Variants in NAV2 observed in about 807,000 individuals in gnomAD.
NAV2 encodes neuron navigator 2.
Under a neutral mutation model 223.2 loss-of-function variants are expected in NAV2, and 54 were observed. The ratio of observed to expected loss-of-function variants is 0.24; its 90% CI spans 0.19 to 0.30. NAV2 has a LOEUF of 0.30. NAV2 is among the 10% of genes least tolerant of loss of function. The pLI, the probability that NAV2 is intolerant of heterozygous loss-of-function variation, is 1.00. For missense variants in NAV2, 2,806 were observed against 3,147.5 expected (o/e 0.89, Z 2.60); for synonymous variants, 1,279 against 1,239.3 (o/e 1.03, Z -0.67).
chr11:19,626,828 T>C (rs1326814384), intron 1 of NAV2, among the ~76,000 whole-genome samples: 1 of 152,222 alleles, frequency 6.6e-6, no homozygotes, highest in Non-Finnish European at 1.5e-5. Context: ...CAAATTCTGG[T>C]TCCAACTTTT....
intron 11 of NAV2, among the ~76,000 whole-genome samples, chr11:20,030,726 G>A (rs10734288): frequency 0.97 from 148,420 of 152,366 alleles, 72,401 homozygotes; most frequent in East Asian, 1. Context: ...AAATAAATTA[G>A]AGTTACAAAT....
intron 1 of NAV2, among the ~76,000 whole-genome samples, chr11:19,564,689 G>T (rs1590542327): frequency 6.6e-6 from 1 of 151,048 alleles, no homozygotes; most frequent in South Asian, 2.1e-4. Flanking sequence ...AAATCAGGGG[G>T]CCGGGAGGTC....
chr11:19,884,479 C>T (rs898241025), intron 5 of NAV2: 16 of 811,672 alleles, frequency 2.0e-5, no homozygotes, highest in Admixed American at 6.6e-5. Flanking sequence ...GTTTGCAGTT[C>T]GAGAAAACTA....
At chr11:19,361,221 C>CTTTTTTTTTTTTTTTTTTTTTTTTTTT (rs200871018) in intron 1 of NAV2, among the ~76,000 whole-genome samples, 1 of 149,642 alleles carries the variant, frequency 6.7e-6, no homozygotes, top group African/African-American at 2.4e-5. Context: ...AAAGTGAGCT[C>CTTTTTTTTTTTTTTTTTTTTTTTTTTT]TTTTTTATGT....
At chr11:19,430,037 A>G (rs556500760) in intron 1 of NAV2, among the ~76,000 whole-genome samples, 7 of 152,348 alleles carry the variant, frequency 4.6e-5, no homozygotes, top group African/African-American at 1.4e-4. Context: ...TATCCCTCTC[A>G]TCAGCTCAAA....
At chr11:20,018,309 G>A (rs1190702051) in intron 11 of NAV2, among the ~76,000 whole-genome samples, 7 of 144,966 alleles carry the variant, frequency 4.8e-5, no homozygotes, top group African/African-American at 1.3e-4. Flanking sequence ...AGCTGAGATC[G>A]GCCCACTGCA....
At chr11:19,366,400 C>T (rs1227078948) in intron 1 of NAV2, among the ~76,000 whole-genome samples, 1 of 152,182 alleles carries the variant, frequency 6.6e-6, no homozygotes, top group Non-Finnish European at 1.5e-5. Flanking sequence ...GCTCTTCCTG[C>T]TTCCTGCTTG....
rs987522423 is a variant in NAV2, at chr11:19,934,429, C to T, written c.2033+152C>T. 7.5e-6 allele frequency: 7 copies of T among 939,138 alleles called. No homozygotes were observed. The South Asian group carries it at 1.6e-4, about 21-fold the overall frequency. 58.2% of individuals were successfully genotyped at this position (939,138 alleles called of 1,614,324 possible). On this transcript the variant is annotated intron_variant, in intron 7 of 37. Transcript: ENST00000349880. ...CCACGTGATGAACTCCTAAGAGAAGCAGACACAATGTGCTCCAGGGAGCAG... is the reference window on the plus strand; with the variant it reads ...CCACGTGATGAACTCCTAAGAGAAGTAGACACAATGTGCTCCAGGGAGCAG...
intron 4 of NAV2, among the ~76,000 whole-genome samples, chr11:19,870,858 G>T (rs1363123043): frequency 6.6e-6 from 1 of 152,074 alleles, no homozygotes; most frequent in East Asian, 1.9e-4. Flanking sequence ...CATGATTATG[G>T]CGTCTTCTGG....
chr11:19,640,016 T>C (rs781249214), intron 1 of NAV2, among the ~76,000 whole-genome samples: 6 of 152,304 alleles, frequency 3.9e-5, no homozygotes, highest in Middle Eastern at 6.8e-3. Context: ...AGTTTGTGTA[T>C]GTAAGTGAAG....
At chr11:19,697,517 T>A (rs2049380532) in intron 1 of NAV2, among the ~76,000 whole-genome samples, 1 of 152,220 alleles carries the variant, frequency 6.6e-6, no homozygotes, top group South Asian at 2.1e-4. Flanking sequence ...CTTTTTTTTT[T>A]TTATTTCAGA....
chr11:20,041,502 A>T (rs537931049), intron 12 of NAV2, among the ~76,000 whole-genome samples: 13 of 152,336 alleles, frequency 8.5e-5, no homozygotes, highest in African/African-American at 3.1e-4. Flanking sequence ...TTACAGTTTG[A>T]TTGGGGGGAA....
At chr11:20,077,843 T>G in intron 23 of NAV2, 150 bp from the exon 24 acceptor site, 1 of 719,108 alleles carries the variant, frequency 1.4e-6, no homozygotes, top group Admixed American at 2.6e-5. Context: ...AATCCTACTT[T>G]TATGTGTTTG....
intron 1 of NAV2, among the ~76,000 whole-genome samples, chr11:19,514,769 G>C (rs966926780): frequency 4.6e-5 from 7 of 152,184 alleles, no homozygotes; most frequent in African/African-American, 1.7e-4. Context: ...CGCAGCAGCT[G>C]CTCCTTCAAA....
At position 20,118,391 on chromosome 11, in the gene NAV2, C is replaced by T. The variant is rs3802803; in HGVS notation, c.*133C>T. 0.12 allele frequency: 128,559 copies of T among 1,085,910 alleles called. 10,202 individuals are homozygous for T. Among genetic ancestry groups the T allele is most frequent in the East Asian group, 0.4 (16,805 of 41,688 alleles). The allele number at this position is 1,085,910 out of a possible 1,614,324, so 67.3% of individuals were successfully genotyped here. A position where few individuals can be genotyped will look rare whatever the true frequency, so the allele number is the denominator to read the frequency against. On this transcript the variant is annotated 3_prime_UTR_variant, in exon 38 of 38. Transcript: ENST00000349880. ...AGAGCTGCGGGAACACCGAGACCCC[C>T]CGTCCTTCAGCCTCGACCTGGGTGC...
intron 1 of NAV2, among the ~76,000 whole-genome samples, chr11:19,599,950 T>C (rs1287721847): frequency 6.6e-6 from 1 of 152,218 alleles, no homozygotes; most frequent in African/African-American, 2.4e-5. Context: ...CATCCGTGTC[T>C]TAGTTTGGAT....
At chr11:19,482,261 ACAT>A (rs2042303349) in intron 1 of NAV2, among the ~76,000 whole-genome samples, 1 of 152,206 alleles carries the variant, frequency 6.6e-6, no homozygotes, top group African/African-American at 2.4e-5. Flanking sequence ...AAAAAGGAAG[ACAT>A]CAGCTCCAGG....
chr11:19,441,573 C>T (rs929066871), intron 1 of NAV2, among the ~76,000 whole-genome samples: 40 of 152,246 alleles, frequency 2.6e-4, no homozygotes, highest in African/African-American at 9.4e-4. Context: ...GTCATTTCTT[C>T]CTAATCTTTT....
At chr11:19,488,260 T>C (rs1179977553) in intron 1 of NAV2, among the ~76,000 whole-genome samples, 1 of 152,190 alleles carries the variant, frequency 6.6e-6, no homozygotes, top group South Asian at 2.1e-4. Flanking sequence ...ATTGAAAAGA[T>C]GCAAAATGAA....
Sources: allele counts gnomAD v4.1 joint callset (sites outside exome capture counted in the v4.1 genomes callset), GRCh38; gene constraint gnomAD v4.1.1; transcripts MANE v1.5; gene names NCBI Gene and HGNC (gene_info 2026-07-23, HGNC 2026-07-21).